Variants in CHST4 observed in about 807,000 individuals in gnomAD.
CHST4 encodes the protein GST-3.
For synonymous variants in CHST4, 171 were observed against 195.5 expected, an observed-to-expected ratio of 0.87 and a Z score of 1.05; for missense variants, 466 against 506.0, an observed-to-expected ratio of 0.92 and a Z score of 0.76.
Position 71,536,872 on chromosome 16 carries a change from C to T in CHST4, c.195C>T (p.His65=), listed in dbSNP as rs1201325457. ...SSFVGQLFGQ[H]PDVFYLMEPA... is the part of the protein sequence containing the mutation. ...TTGTGGGGCAGCTTTTTGGGCAGCA[C>T]CCAGATGTTTTCTACCTGATGGAGC... Residue 65 remains histidine (H), a synonymous_variant, in exon 2 of 2, where the codon CAC becomes CAT. Transcript: ENST00000539698. 1.9e-6 allele frequency: 3 copies of T among 1,568,522 alleles called. No homozygotes were observed. The highest frequency in any genetic ancestry group is 1.9e-5 in the Admixed American group (1 of 53,916).
intron 1 of CHST4, among the ~76,000 whole-genome samples, chr16:71,534,348 CTTTTTTTT>C (rs548597955): frequency 1.6e-5 from 2 of 123,408 alleles, no homozygotes; most frequent in African/African-American, 6.1e-5. Context: ...ACATTTCTTT[CTTTTTTTT>C]TTTTTTTTTT....
chr16:71,536,701 G>T lies in CHST4; in HGVS notation c.24G>T (p.Lys8Asn). The change falls in exon 2 of 2, where the codon AAG becomes AAT. Residue 8 changes from lysine (K) to asparagine (N), a missense_variant. Transcript: ENST00000539698. MLLPKKM[K>N]LLLFLVSQMA... ...CAATGCTACTGCCTAAAAAAATGAA[G>T]CTCCTGCTGTTTCTGGTTTCCCAGA... The T allele has an allele frequency of 6.7e-7, 1 of 1,492,010 alleles. No individual in the cohort carries two copies. Among genetic ancestry groups the T allele is most frequent in the Non-Finnish European group, 8.9e-7 (1 of 1,122,376 alleles). The allele number at this position is 1,492,010 out of a possible 1,614,324, so 92.4% of individuals were successfully genotyped here. A position where few individuals can be genotyped will look rare whatever the true frequency, so the allele number is the denominator to read the frequency against.
intron 1 of CHST4, among the ~76,000 whole-genome samples, chr16:71,528,617 A>G (rs569988736): frequency 4.6e-5 from 7 of 152,050 alleles, no homozygotes; most frequent in African/African-American, 7.2e-5. Context: ...AGTTTCCCCA[A>G]TCCAACCCCA....
intron 1 of CHST4, among the ~76,000 whole-genome samples, chr16:71,533,222 C>G (rs1193560124): frequency 6.6e-6 from 1 of 151,736 alleles, no homozygotes; most frequent in African/African-American, 2.4e-5. Flanking sequence ...GTCAGGAGTT[C>G]GAGACCAGCC....
intron 1 of CHST4, among the ~76,000 whole-genome samples, chr16:71,531,464 C>A (rs2043947593): frequency 6.6e-6 from 1 of 152,188 alleles, no homozygotes; most frequent in African/African-American, 2.4e-5. Context: ...CGCTTTCTAC[C>A]CAGGGCAAGT....
chr16:71,527,500 A>G (rs1597033510), intron 1 of CHST4, among the ~76,000 whole-genome samples: 1 of 152,296 alleles, frequency 6.6e-6, no homozygotes, highest in South Asian at 2.1e-4. Flanking sequence ...TAATCCCAGC[A>G]CTTTGGGAAG....
At chr16:71,529,561 TTTTTTTTTTTTTTG>T (rs2043932798) in intron 1 of CHST4, among the ~76,000 whole-genome samples, 1 of 140,602 alleles carries the variant, frequency 7.1e-6, no homozygotes, top group Admixed American at 7.1e-5. Flanking sequence ...TTTTTTTTTT[TTTTTTTTTTTTTTG>T]AGACCAAGTT....
intron 1 of CHST4, among the ~76,000 whole-genome samples, chr16:71,533,908 G>A (rs775182878): frequency 2.0e-5 from 3 of 151,964 alleles, no homozygotes; most frequent in Admixed American, 6.6e-5. Flanking sequence ...TGAGCCTGGT[G>A]GCACGTGCCT....
chr16:71,529,126 T>G (rs1426623761), intron 1 of CHST4, among the ~76,000 whole-genome samples: 1 of 151,908 alleles, frequency 6.6e-6, no homozygotes, highest in Non-Finnish European at 1.5e-5. Flanking sequence ...TTTTTGCTTT[T>G]GCTTTGTTAG....
At chr16:71,527,836 C>G (rs1028749995) in intron 1 of CHST4, among the ~76,000 whole-genome samples, 8 of 152,020 alleles carry the variant, frequency 5.3e-5, no homozygotes, top group Non-Finnish European at 8.8e-5. Context: ...TGAGAGGAAG[C>G]CTTCAGATAG....
intron 1 of CHST4, among the ~76,000 whole-genome samples, chr16:71,530,898 T>C (rs557802268): frequency 1.3e-5 from 2 of 152,148 alleles, no homozygotes; most frequent in African/African-American, 2.4e-5. Flanking sequence ...CTGGCCAACA[T>C]GGCGAAACCC....
Position 71,536,821 on chromosome 16 carries a change from G to C in CHST4, c.144G>C (p.Leu48=), listed in dbSNP as rs751682510. 3 of 1,537,472 alleles carry C rather than the reference G, an allele frequency of 2.0e-6. No individual in the cohort carries two copies. Among genetic ancestry groups the C allele is most frequent in the Non-Finnish European group, 1.7e-6 (2 of 1,142,936 alleles). ...AQPERMHVLV[L]SSWRSGSSFV... ...CCGAGCGCATGCACGTGCTGGTTCT[G>C]TCTTCCTGGCGCTCTGGCTCTTCTT... The change falls in exon 2 of 2, where the codon CTG becomes CTC. Residue 48 remains leucine, a synonymous_variant. Coordinates refer to ENST00000539698, the MANE Select transcript of CHST4 (RefSeq NM_001166395.2).
At position 71,537,837 on chromosome 16, in the gene CHST4, AAGAGGGTTG is replaced by A. The variant is rs764406482; in HGVS notation, c.*3_*11del. 6.2e-7 allele frequency: 1 copy of A among 1,605,634 alleles called. No individual in the cohort carries two copies. Among genetic ancestry groups the A allele is most frequent in the Non-Finnish European group, 8.5e-7 (1 of 1,175,998 alleles). On this transcript the variant is annotated stop_retained_variant and 3_prime_UTR_variant, in exon 2 of 2. Coordinates refer to ENST00000539698, the MANE Select transcript of CHST4 (RefSeq NM_001166395.2). The surrounding 1 kb of genome is among the most constrained non-coding windows in gnomAD (Gnocchi z 4.2). ...TGGACTGTCCCTGAGCAAATCCACT[AAGAGGGTTG>A]AGAAGGCTTTGCTGCCACCTGGTGT...
At position 71,537,593 on chromosome 16, in the gene CHST4, G is replaced by T. The variant is rs761678450; in HGVS notation, c.916G>T (p.Val306Leu). Residue 306 changes from valine to leucine, a missense_variant, in exon 2 of 2, where the codon GTG (valine) becomes TTG (leucine). Physicochemically the swap from Val to Leu is conservative, Grantham distance 32 (BLOSUM62 1). Transcript: ENST00000539698. This position sits in a 1 kb window ranked among gnomAD's most constrained non-coding sequence, Gnocchi z 4.2. ...ATTCTTGCCCCATCTTCAGACCTGG[G>T]TGCATAACATCACCCGAGGCAAGGG... is the stretch of plus-strand genomic sequence containing the variant. The part of the protein sequence containing the change: ...LEFLPHLQTW[V>L]HNITRGKGMG... 6.2e-7 allele frequency: 1 copy of T among 1,614,162 alleles called. No individual in the cohort carries two copies. The highest frequency in any genetic ancestry group is 1.1e-5 in the South Asian group (1 of 91,084).
intron 1 of CHST4, among the ~76,000 whole-genome samples, chr16:71,528,876 T>C (rs767753327): frequency 6.6e-6 from 1 of 152,188 alleles, no homozygotes; most frequent in African/African-American, 2.4e-5. Flanking sequence ...AGGTCACCCA[T>C]CTGGCACCTT....
rs1276215655 is a variant in CHST4, at chr16:71,537,974, C to T, written c.*136C>T. 12 of 777,474 alleles carry T rather than the reference C, an allele frequency of 1.5e-5. No homozygotes were observed. Among genetic ancestry groups the T allele is most frequent in the African/African-American group, 8.8e-5 (5 of 56,994 alleles). The allele number at this position is 777,474 out of a possible 1,614,324, so 48.2% of individuals were successfully genotyped here. ...ACACTGAGTGTGAGTTGTGTCCACA[C>T]GTGCTCAAGCAGAAGGACTTTTGTG... On this transcript the variant is annotated 3_prime_UTR_variant, in exon 2 of 2. Transcript: ENST00000539698. The surrounding 1 kb of genome is among the most constrained non-coding windows in gnomAD (Gnocchi z 4.2).
chr16:71,530,582 A>G (rs2043940939), intron 1 of CHST4, among the ~76,000 whole-genome samples: 2 of 151,246 alleles, frequency 1.3e-5, no homozygotes, highest in African/African-American at 4.9e-5. Context: ...CCTGGGCAAT[A>G]TAGTGAGGGC....
intron 1 of CHST4, among the ~76,000 whole-genome samples, chr16:71,529,914 G>A (rs759665701): frequency 4.6e-5 from 7 of 152,110 alleles, no homozygotes; most frequent in African/African-American, 9.6e-5. Context: ...TTGGCAGGCC[G>A]AGGCGGGAGA....
Position 71,536,674 on chromosome 16 carries a change from C to T in CHST4, c.-4C>T. ...GTTCCTTAAAGGTCTTCCACTTCAG[C>T]ACAATGCTACTGCCTAAAAAAATGA... On this transcript the variant is annotated 5_prime_UTR_variant, in exon 2 of 2. Coordinates refer to ENST00000539698, the MANE Select transcript of CHST4 (RefSeq NM_001166395.2). 1 of 1,472,504 alleles carries T rather than the reference C, an allele frequency of 6.8e-7. No individual in the cohort carries two copies. The highest frequency in any genetic ancestry group is 9.0e-7 in the Non-Finnish European group (1 of 1,113,526). 91.2% of individuals were successfully genotyped at this position (1,472,504 alleles called of 1,614,324 possible). A position where few individuals can be genotyped will look rare whatever the true frequency, so the allele number is the denominator to read the frequency against.
Sources: allele counts gnomAD v4.1 joint callset (sites outside exome capture counted in the v4.1 genomes callset), GRCh38; gene constraint gnomAD v4.1.1; non-coding constraint Gnocchi (gnomAD v3.1); transcripts MANE v1.5; gene names NCBI Gene and HGNC (gene_info 2026-07-23, HGNC 2026-07-21).